SPATA6: variants seen among roughly 807,000 people sequenced by gnomAD.
SPATA6 encodes the protein spermatogenesis-associated protein 6.
Under a neutral mutation model 65.3 loss-of-function variants are expected in SPATA6, and 56 were observed. That is an observed-to-expected ratio of 0.86 (90% CI 0.69 to 1.07). The LOEUF (loss-of-function observed/expected upper bound fraction) is 1.07. Ranked by LOEUF, SPATA6 falls within the 50% of genes least tolerant of loss-of-function variation. The pLI is 0.00. For missense variants in SPATA6, 590 were observed against 594.8 expected (o/e 0.99, Z 0.08); for synonymous variants, 199 against 213.2 (o/e 0.93, Z 0.58).
the SPATA6 span, among the ~76,000 whole-genome samples, chr1:48,280,120 T>C: frequency 2.6e-5 from 4 of 152,166 alleles, no homozygotes; most frequent in African/African-American, 9.7e-5. Context: ...AATAAAGATG[T>C]TCTTTGAAAC....
intron 9 of SPATA6, among the ~76,000 whole-genome samples, chr1:48,368,559 T>A (rs905322144): frequency 6.6e-6 from 1 of 152,218 alleles, no homozygotes; most frequent in African/African-American, 2.4e-5. Flanking sequence ...CTTCCATCAC[T>A]GATACCCTTT....
chr1:48,436,031 A>T, intron 3 of SPATA6: 4 of 1,608,856 alleles, frequency 2.5e-6, no homozygotes, highest in Non-Finnish European at 3.4e-6. Flanking sequence ...CCTGAAAAAC[A>T]GTCTGAAACC....
chr1:48,366,476 G>C (rs569238619), intron 9 of SPATA6, among the ~76,000 whole-genome samples: 2,195 of 152,062 alleles, frequency 0.014, 53 homozygotes, highest in African/African-American at 0.05. Flanking sequence ...AATTTCAGAG[G>C]CTGTTATTGG....
intron 3 of SPATA6, among the ~76,000 whole-genome samples, chr1:48,421,371 T>C (rs1653319672): frequency 1.3e-5 from 2 of 151,920 alleles, no homozygotes. Flanking sequence ...AAAGAAAGCT[T>C]CAATGTAACC....
chr1:48,370,756 C>A (rs527787021), intron 9 of SPATA6, among the ~76,000 whole-genome samples: 1 of 152,290 alleles, frequency 6.6e-6, no homozygotes, highest in African/African-American at 2.4e-5. Context: ...AATCAAACAG[C>A]TGTTAAGCAG....
At chr1:48,450,742 C>A (rs1342716192) in intron 3 of SPATA6, among the ~76,000 whole-genome samples, 1 of 152,156 alleles carries the variant, frequency 6.6e-6, no homozygotes, top group Non-Finnish European at 1.5e-5. Flanking sequence ...CCAGACTCTT[C>A]TTCCCTCTAA....
chr1:48,357,599 C>T (rs1442503017), intron 10 of SPATA6, among the ~76,000 whole-genome samples: 1 of 152,076 alleles, frequency 6.6e-6, no homozygotes, highest in African/African-American at 2.4e-5. Context: ...AACATATAAT[C>T]CACATTTACA....
At chr1:48,445,787 T>G (rs1655997398) in intron 3 of SPATA6, among the ~76,000 whole-genome samples, 1 of 147,940 alleles carries the variant, frequency 6.8e-6, no homozygotes, top group African/African-American at 2.5e-5. Context: ...AGAATAAACC[T>G]CAAGACTTGA....
intron 3 of SPATA6, among the ~76,000 whole-genome samples, chr1:48,447,095 T>C (rs913930397): frequency 2.0e-5 from 3 of 152,300 alleles, no homozygotes; most frequent in Admixed American, 6.5e-5. Context: ...CATTTGCTTT[T>C]CTCTAGCTTA....
chr1:48,459,634 C>G (rs1460121858), intron 1 of SPATA6, among the ~76,000 whole-genome samples: 1 of 151,922 alleles, frequency 6.6e-6, no homozygotes, highest in Non-Finnish European at 1.5e-5. Context: ...GTACTTCATC[C>G]AACAACAGAA....
At position 48,377,727 on chromosome 1, in the gene SPATA6, A is replaced by C. The variant is rs538825181; in HGVS notation, c.909+7582T>G. ...CTAGCATAATAGTGTCAGTCACATAATCTTTTTTAAAGAGATAAAGAGATA... is the reference window on the plus strand; with the variant it reads ...CTAGCATAATAGTGTCAGTCACATACTCTTTTTTAAAGAGATAAAGAGATA... On this transcript the variant is annotated intron_variant, in intron 9 of 12. Coordinates refer to ENST00000371847, the MANE Select transcript of SPATA6 (RefSeq NM_019073.4). 2.3e-3 allele frequency among the ~76,000 whole-genome samples: 355 copies of C among 152,282 alleles called. 1 individual carries two copies. The highest frequency in any genetic ancestry group is 8.2e-3 in the African/African-American group (343 of 41,576).
At chr1:48,443,769 C>A (rs549541791) in intron 3 of SPATA6, among the ~76,000 whole-genome samples, 1 of 152,328 alleles carries the variant, frequency 6.6e-6, no homozygotes, top group East Asian at 1.9e-4. Context: ...GACTTCTTCC[C>A]TTTCTAGGTC....
intron 6 of SPATA6, among the ~76,000 whole-genome samples, chr1:48,403,032 C>T (rs778617148): frequency 1.3e-5 from 2 of 151,924 alleles, no homozygotes; most frequent in Admixed American, 1.3e-4. Context: ...AAAAGTTAGC[C>T]GCGTATTGTG....
In SPATA6 at chr1:48,451,930, T is replaced by TA. The variant is rs543287634; in HGVS notation, c.190-331dup. ...TCCTCTGCTTAAAATGCTCTTCTCC[T>TA]AGACCTTCAAATAAGAGTAATATAG... is the stretch of plus-strand genomic sequence containing the variant. On this transcript the variant is annotated intron_variant, in intron 2 of 12. Coordinates refer to ENST00000371847, the MANE Select transcript of SPATA6 (RefSeq NM_019073.4). 1.7e-4 allele frequency among the ~76,000 whole-genome samples: 26 copies of TA among 152,324 alleles called. No individual in the cohort carries two copies. The South Asian group carries it at 5.2e-3, about 30-fold the overall frequency.
chr1:48,282,831 C>A, the SPATA6 span, among the ~76,000 whole-genome samples: 2 of 152,022 alleles, frequency 1.3e-5, no homozygotes, highest in Non-Finnish European at 2.9e-5. Flanking sequence ...TCCCATTACT[C>A]GGTATATACC....
At chr1:48,441,043 T>TA (rs1034248310) in intron 3 of SPATA6, among the ~76,000 whole-genome samples, 6 of 152,022 alleles carry the variant, frequency 3.9e-5, no homozygotes, top group Admixed American at 3.9e-4. Flanking sequence ...AAGGACACCG[T>TA]AAAAAAGATT....
At chr1:48,360,426 T>C (rs1360613756) in intron 9 of SPATA6, among the ~76,000 whole-genome samples, 1 of 151,996 alleles carries the variant, frequency 6.6e-6, no homozygotes, top group African/African-American at 2.4e-5. Flanking sequence ...AATGGGATAG[T>C]CAGTAGGAAC....
intron 7 of SPATA6, among the ~76,000 whole-genome samples, chr1:48,397,366 T>G (rs775967753): frequency 6.6e-6 from 1 of 151,630 alleles, no homozygotes; most frequent in Non-Finnish European, 1.5e-5. Flanking sequence ...TCTACCACAA[T>G]AGAAAAAGAA....
At chr1:48,278,272 G>A in the SPATA6 span, among the ~76,000 whole-genome samples, 1 of 152,190 alleles carries the variant, frequency 6.6e-6, no homozygotes, top group African/African-American at 2.4e-5. Context: ...AAAAAGCAGA[G>A]CGCCTCTCCT....
Sources: allele counts gnomAD v4.1 joint callset (sites outside exome capture counted in the v4.1 genomes callset), GRCh38; gene constraint gnomAD v4.1.1; transcripts MANE v1.5; gene names NCBI Gene and HGNC (gene_info 2026-07-23, HGNC 2026-07-21).